SLC71A1: variants seen among roughly 807,000 people sequenced by gnomAD.
SLC71A1 encodes solute carrier family 71 member 1.
chr1:100,064,082 C>T, the SLC71A1 span, among the ~76,000 whole-genome samples: 3 of 152,110 alleles, frequency 2.0e-5, no homozygotes, highest in Non-Finnish European at 2.9e-5. Context: ...ATAACCACTA[C>T]ATTTGAAAAT....
At chr1:100,053,910 G>A in the SLC71A1 span, among the ~76,000 whole-genome samples, 3 of 152,094 alleles carry the variant, frequency 2.0e-5, no homozygotes, top group East Asian at 5.8e-4. Flanking sequence ...GTTGGTCATA[G>A]TAGATAGTTC....
chr1:100,081,878 T>TA, the SLC71A1 span: 1 of 711,972 alleles, frequency 1.4e-6, no homozygotes, highest in African/African-American at 1.8e-5. Flanking sequence ...CTTTTATAAT[T>TA]ATGGCTTTAA....
At chr1:100,061,178 C>T in the SLC71A1 span, among the ~76,000 whole-genome samples, 1 of 152,166 alleles carries the variant, frequency 6.6e-6, no homozygotes, top group Non-Finnish European at 1.5e-5. Context: ...AGAAACTAAA[C>T]ATCAGTATTA....
chr1:100,042,087 G>A, the SLC71A1 span, among the ~76,000 whole-genome samples: 2 of 152,098 alleles, frequency 1.3e-5, no homozygotes, highest in African/African-American at 4.8e-5. Flanking sequence ...ATTCCTGTTA[G>A]AGGCTAAGAG....
the SLC71A1 span, among the ~76,000 whole-genome samples, chr1:100,067,568 C>T: frequency 2.0e-4 from 30 of 152,062 alleles, no homozygotes; most frequent in Non-Finnish European, 3.1e-4. Flanking sequence ...CCCAGCCCTT[C>T]GGGAGGCTGA....
chr1:100,058,858 T>G, the SLC71A1 span: 1 of 492,708 alleles, frequency 2.0e-6, no homozygotes, highest in East Asian at 3.4e-5. Context: ...TAACTTAATT[T>G]TTATAATTAG....
the SLC71A1 span, among the ~76,000 whole-genome samples, chr1:100,044,195 C>T: frequency 6.6e-6 from 1 of 152,158 alleles, no homozygotes; most frequent in East Asian, 1.9e-4. Context: ...TCATTTGTCA[C>T]CACATCCACA....
the SLC71A1 span, among the ~76,000 whole-genome samples, chr1:100,062,717 G>A: frequency 6.6e-6 from 1 of 152,070 alleles, no homozygotes; most frequent in African/African-American, 2.4e-5. Flanking sequence ...TTCAAAGGAC[G>A]TTATAGTGAA....
At chr1:100,057,702 G>A in the SLC71A1 span, among the ~76,000 whole-genome samples, 334 of 152,100 alleles carry the variant, frequency 2.2e-3, 4 homozygotes, top group African/African-American at 7.8e-3. Context: ...TAAATTTCTC[G>A]CTATTGGCAG....
At chr1:100,074,740 G>T in the SLC71A1 span, among the ~76,000 whole-genome samples, 3 of 150,560 alleles carry the variant, frequency 2.0e-5, no homozygotes, top group African/African-American at 7.3e-5. Flanking sequence ...AGCAGGCATG[G>T]TGGTGGGCAC....
chr1:100,061,912 T>C, the SLC71A1 span: 220 of 1,613,086 alleles, frequency 1.4e-4, no homozygotes, highest in Non-Finnish European at 1.8e-4. Flanking sequence ...GTAGCAGATA[T>C]AACCCAAGAG....
chr1:100,058,523 A>T, the SLC71A1 span: 1 of 609,284 alleles, frequency 1.6e-6, no homozygotes, highest in Non-Finnish European at 3.0e-6. Context: ...TTGGTTATTA[A>T]TGGTCATATG....
chr1:100,054,921 A>G, the SLC71A1 span, among the ~76,000 whole-genome samples: 1 of 152,326 alleles, frequency 6.6e-6, no homozygotes, highest in East Asian at 1.9e-4. Flanking sequence ...TAGGTAGCAG[A>G]GGAACAGTTT....
At chr1:100,038,452 G>C in the SLC71A1 span, 2 of 742,562 alleles carry the variant, frequency 2.7e-6, no homozygotes, top group South Asian at 1.6e-5. Flanking sequence ...CCGGTGCCTC[G>C]GGGTCGCGGA....
the SLC71A1 span, among the ~76,000 whole-genome samples, chr1:100,052,074 A>C: frequency 9.8e-5 from 15 of 152,304 alleles, no homozygotes; most frequent in African/African-American, 3.1e-4. Flanking sequence ...TGGGGAATGC[A>C]GGTAGTAACT....
chr1:100,079,430 GAT>G, the SLC71A1 span: 1 of 151,958 alleles, frequency 6.6e-6, no homozygotes, highest in Admixed American at 6.6e-5. Context: ...CTTTGAAAAG[GAT>G]ATGTTTTGTC....
the SLC71A1 span, among the ~76,000 whole-genome samples, chr1:100,059,588 T>C: frequency 6.6e-6 from 1 of 151,646 alleles, no homozygotes; most frequent in South Asian, 2.1e-4. Context: ...TACACACACA[T>C]ACACAAACAG....
chr1:100,060,601 G>C, the SLC71A1 span, among the ~76,000 whole-genome samples: 18 of 152,164 alleles, frequency 1.2e-4, no homozygotes, highest in African/African-American at 4.3e-4. Context: ...GGTGGAAGGA[G>C]TTGCTAAGAA....
the SLC71A1 span, among the ~76,000 whole-genome samples, chr1:100,041,856 CA>C: frequency 2.0e-5 from 3 of 150,444 alleles, no homozygotes; most frequent in East Asian, 5.8e-4. Context: ...CCTGGGAGGC[CA>C]AGATTGCAGT....
Sources: gnomAD v4.1 joint callset for allele counts (sites outside exome capture counted in the v4.1 genomes callset) on GRCh38, gnomAD v4.1.1 for gene constraint, MANE v1.5 for transcripts, NCBI Gene and HGNC (gene_info 2026-07-23, HGNC 2026-07-21) for gene names.